The following IRF3 variants were observed in gnomAD, a reference collection of about 807,000 sequenced individuals.
The protein encoded by IRF3 is interferon regulatory factor 3.
In IRF3, 29 loss-of-function variants were observed where a neutral mutation model predicts 43.2. The ratio of observed to expected loss-of-function variants is 0.67; its 90% CI spans 0.50 to 0.91. IRF3 has a LOEUF of 0.91. Ranked by LOEUF, IRF3 falls within the 40% of genes least tolerant of loss-of-function variation. The pLI is 0.00. For missense variants in IRF3, 505 were observed against 559.1 expected (o/e 0.90, Z 0.98); for synonymous variants, 228 against 233.9 (o/e 0.97, Z 0.23).
Position 49,662,549 on chromosome 19 carries a change from G to A in IRF3, c.477C>T (p.Ser159=). The A allele has an allele frequency of 1.3e-6, 2 of 1,532,454 alleles. No homozygotes were observed. Among genetic ancestry groups the A allele is most frequent in the African/African-American group, 1.4e-5 (1 of 71,468 alleles). The allele number at this position is 1,532,454 out of a possible 1,614,324, so 94.9% of individuals were successfully genotyped here. A position where few individuals can be genotyped will look rare whatever the true frequency, so the allele number is the denominator to read the frequency against. ...GGCAGGGCTCAGGGGCTACAGCCAGGCTTGGGGGTCCCGGATCTGGGAGTG... is the reference window on the plus strand; with the variant it reads ...GGCAGGGCTCAGGGGCTACAGCCAGACTTGGGGGTCCCGGATCTGGGAGTG... The part of the protein sequence containing the change: ...LAPLPDPGPP[S]LAVAPEPCPQ... Residue 159 remains serine (S), a synonymous_variant, in exon 5 of 8, where the codon AGC becomes AGT. Coordinates refer to ENST00000377139, the MANE Select transcript of IRF3 (RefSeq NM_001571.6).
At chr19:49,665,241 A>G (rs997698414) in intron 1 of IRF3, 18 of 194,130 alleles carry the variant, frequency 9.3e-5, no homozygotes, top group East Asian at 4.2e-4. Flanking sequence ...ACTTACCCCA[A>G]TGTAGACCCC....
intron 2 of IRF3, 167 bp downstream of exon 2, chr19:49,664,507 C>G (rs770598093): frequency 6.4e-7 from 1 of 1,570,606 alleles, no homozygotes. Flanking sequence ...CACCATCAGT[C>G]AGCGGATCCG....
chr19:49,662,721 G>C, intron 4 of IRF3, 104 bp from the exon 5 acceptor site: 1 of 962,236 alleles, frequency 1.0e-6, no homozygotes, highest in Non-Finnish European at 1.5e-6. Flanking sequence ...TCAGGCTTGA[G>C]CTCTGCCTTC....
Position 49,663,174 on chromosome 19 carries a change from G to A in IRF3, c.408+14C>T, listed in dbSNP as rs1252074261. 13 of 1,609,770 alleles carry A rather than the reference G, an allele frequency of 8.1e-6. No individual in the cohort carries two copies. Among genetic ancestry groups the A allele is most frequent in the Non-Finnish European group, 1.1e-5 (13 of 1,176,122 alleles). On this transcript the variant is annotated intron_variant, in intron 4 of 7. Coordinates refer to ENST00000377139, the MANE Select transcript of IRF3 (RefSeq NM_001571.6). Reference sequence around the variant, plus strand: ...TCGGAGACTGAGGGGCATGAAAGTTGGGCACATTCTCACCTGGGTATCAGA... The same window carrying A: ...TCGGAGACTGAGGGGCATGAAAGTTAGGCACATTCTCACCTGGGTATCAGA...
rs779760743 is a variant in IRF3, at chr19:49,660,813, G to A, written c.998C>T (p.Thr333Met). The change falls in exon 7 of 8, where the codon ACG (threonine) becomes ATG (methionine). Residue 333 changes from threonine to methionine, a missense_variant. Physicochemically the swap from Thr to Met is moderately conservative, Grantham distance 81. Coordinates refer to ENST00000377139, the MANE Select transcript of IRF3 (RefSeq NM_001571.6). ...GPFIVDLITFTEGSGRSPRYA... is the reference protein window; with the variant it reads ...GPFIVDLITFMEGSGRSPRYA... ...GCGTGGTGAGCGTCCGCTTCCTTCC[G>A]TGAAGGTAATCAGATCTGGGGGCCC... 1.7e-5 allele frequency: 27 copies of A among 1,602,586 alleles called. No homozygotes were observed. The highest frequency in any genetic ancestry group is 5.3e-5 in the African/African-American group (4 of 74,830).
In IRF3 at chr19:49,664,749, G is replaced by A. The variant is rs1325444175; in HGVS notation, c.90C>T (p.Ser30=). ...QLEGVAWVNK[S]RTRFRIPWKH... ...TCCAAGGGATGCGGAAGCGCGTGCG[G>A]CTCTTGTTCACCCAGGCCACGCCCT... is the stretch of plus-strand genomic sequence containing the variant. The change falls in exon 2 of 8, where the codon AGC becomes AGT. Residue 30 remains serine, a synonymous_variant. Transcript: ENST00000377139. The A allele has an allele frequency of 1.2e-6, 2 of 1,613,944 alleles. No homozygotes were observed. The highest frequency in any genetic ancestry group is 3.3e-5 in the Admixed American group (2 of 60,010).
chr19:49,659,996 C>CATAT (rs770396432), intron 7 of IRF3, among the ~76,000 whole-genome samples, 163 bp from the exon 8 acceptor site: 27,963 of 120,108 alleles, frequency 0.23, 5,250 homozygotes, highest in African/African-American at 0.46. Context: ...CACACACACA[C>CATAT]ACACACACAC....
At chr19:49,660,027 A>ACACACCCCCCC in intron 7 of IRF3, among the ~76,000 whole-genome samples, 194 bp from the exon 8 acceptor site, 1 of 74,750 alleles carries the variant, frequency 1.3e-5, no homozygotes, top group African/African-American at 9.8e-5. Flanking sequence ...ACACACACAC[A>ACACACCCCCCC]CCCCCTGCTG....
At position 49,662,629 on chromosome 19, in the gene IRF3, C is replaced by A. The variant is rs1568459990; in HGVS notation, c.409-12G>T. ...TCCAGAATGTCTTCCTGGAGGGAAA[C>A]AAAAAAAGAGAATCAGGCATTTCCA... On this transcript the variant is annotated splice_polypyrimidine_tract_variant and intron_variant, in intron 4 of 7. Transcript: ENST00000377139. 5.3e-6 allele frequency: 8 copies of A among 1,523,210 alleles called. No homozygotes were observed. Among genetic ancestry groups the A allele is most frequent in the Admixed American group, 2.4e-5 (1 of 41,890 alleles). The allele number at this position is 1,523,210 out of a possible 1,614,324, so 94.4% of individuals were successfully genotyped here.
Position 49,662,238 on chromosome 19 carries a change from G to A in IRF3, c.692C>T (p.Ser231Phe), listed in dbSNP as rs763276449. ...SCPEGLRLVG[S>F]EVGDRTLPGW... is the part of the protein sequence containing the mutation. The stretch of plus-strand genomic sequence containing the variant: ...AGGCAGCGTCCTGTCTCCCACTTCG[G>A]ACCCCACCAGCCGCAGGCCCTCCGG... Residue 231 changes from serine (S) to phenylalanine (F), a missense_variant, in exon 6 of 8, where the codon TCC (serine) becomes TTC (phenylalanine). Coordinates refer to ENST00000377139, the MANE Select transcript of IRF3 (RefSeq NM_001571.6). 1 of 1,613,910 alleles carries A rather than the reference G, an allele frequency of 6.2e-7. No individual in the cohort carries two copies. Among genetic ancestry groups the A allele is most frequent in the South Asian group, 1.1e-5 (1 of 91,092 alleles).
chr19:49,659,642 G>C lies in IRF3; in HGVS notation c.*6C>G, dbSNP rs201177412. On this transcript the variant is annotated 3_prime_UTR_variant, in exon 8 of 8. Transcript: ENST00000377139. ...GGGTTGGAGGCACACCATGAGGAGC[G>C]AGGGCTCAGCTCTCCCCAGGGCCCT... The C allele has an allele frequency of 6.2e-7, 1 of 1,611,364 alleles. No individual in the cohort carries two copies. The highest frequency in any genetic ancestry group is 1.7e-5 in the Admixed American group (1 of 59,508).
intron 2 of IRF3, chr19:49,663,885 G>A (rs1257803706): frequency 1.5e-5 from 4 of 258,510 alleles, no homozygotes; most frequent in Non-Finnish European, 2.3e-5. Flanking sequence ...TAGTAGAGAT[G>A]GGGTTTCACC....
In IRF3 at chr19:49,663,457, T is replaced by C. The variant is rs145341832; in HGVS notation, c.223A>G (p.Thr75Ala). 4.5e-5 allele frequency: 73 copies of C among 1,614,224 alleles called. No homozygotes were observed. Among genetic ancestry groups the C allele is most frequent in the Middle Eastern group, 1.7e-4 (1 of 6,056 alleles). Residue 75 changes from threonine (T) to alanine (A), a missense_variant, in exon 3 of 8, where the codon ACC (threonine) becomes GCC (alanine). Physicochemically the swap from Thr to Ala is moderately conservative, Grantham distance 58. Transcript: ENST00000377139. ...GCAGAGCGGAAATTCCTCTTCCAGG[T>C]TGGCAGGTCTGGCTTATCCCTCCCG... ...VPGRDKPDLP[T>A]WKRNFRSALN... is the part of the protein sequence containing the mutation.
chr19:49,660,674 C>T (rs556869973), intron 7 of IRF3, 39 bp downstream of exon 7: 1 of 1,518,960 alleles, frequency 6.6e-7, no homozygotes, highest in Admixed American at 2.2e-5. Flanking sequence ...CTCTGTAAGG[C>T]CACCCCTTTC....
At position 49,662,183 on chromosome 19, in the gene IRF3, G is replaced by A; in HGVS notation, c.747C>T (p.Gly249=). Residue 249 remains glycine, a synonymous_variant, in exon 6 of 8, where the codon GGC becomes GGT. Transcript: ENST00000377139. ...PGWPVTLPDP[G]MSLTDRGVMS... ...TCACTCCCCTGTCTGTCAGGGACATGCCAGGGTCTGGCAGTGTGACTGGCC... is the reference window on the plus strand; with the variant it reads ...TCACTCCCCTGTCTGTCAGGGACATACCAGGGTCTGGCAGTGTGACTGGCC... The A allele has an allele frequency of 1.2e-6, 2 of 1,614,108 alleles. No individual in the cohort carries two copies. The highest frequency in any genetic ancestry group is 1.7e-6 in the Non-Finnish European group (2 of 1,180,052).
At chr19:49,660,407 C>T (rs1372765305) in intron 7 of IRF3, among the ~76,000 whole-genome samples, 6 of 152,224 alleles carry the variant, frequency 3.9e-5, no homozygotes, top group East Asian at 1.9e-4. Context: ...GAATCTAATG[C>T]CTGATGATCT....
Position 49,665,544 on chromosome 19 carries a change from C to T in IRF3, c.-9+87G>A, listed in dbSNP as rs368439950. On this transcript the variant is annotated intron_variant, in intron 1 of 7. Coordinates refer to ENST00000377139, the MANE Select transcript of IRF3 (RefSeq NM_001571.6). ...CACTTTCCCCAGAGTACACAGCCTG[C>T]CTTTCCACTCTCCGTGCAGACCCAT... The T allele has an allele frequency of 1.4e-4, 57 of 399,296 alleles. No individual in the cohort carries two copies. In the East Asian group the frequency reaches 2.4e-3, roughly 17 times the overall value. 24.7% of individuals were successfully genotyped at this position (399,296 alleles called of 1,614,324 possible).
At position 49,663,519 on chromosome 19, in the gene IRF3, G is replaced by C. The variant is rs2081452486; in HGVS notation, c.166-5C>G. On this transcript the variant is annotated splice_polypyrimidine_tract_variant and splice_region_variant and intron_variant, in intron 2 of 7. Transcript: ENST00000377139. ...ACCAGTGGCCTCGGCCCAGGCCTGG[G>C]GCAACAGTGGTGTCAGGATGGTGGG... The C allele has an allele frequency of 6.2e-7, 1 of 1,613,538 alleles. No individual in the cohort carries two copies. Among genetic ancestry groups the C allele is most frequent in the African/African-American group, 1.3e-5 (1 of 74,908 alleles).
rs532631386 is a variant in IRF3 at position 49,663,591 on chromosome 19, G to T, written c.166-77C>A. ...TCCTGGGGCCCTAACCCTGTCTCCCGAGTCCTAACACCACCCTCTTTCCCT... is the reference window on the plus strand; with the variant it reads ...TCCTGGGGCCCTAACCCTGTCTCCCTAGTCCTAACACCACCCTCTTTCCCT... On this transcript the variant is annotated intron_variant, in intron 2 of 7. Transcript: ENST00000377139. The T allele has an allele frequency of 2.8e-6, 4 of 1,406,448 alleles. No homozygotes were observed. The African/African-American group carries it at 5.7e-5, about 20-fold the overall frequency. The allele number at this position is 1,406,448 out of a possible 1,614,324, so 87.1% of individuals were successfully genotyped here.
Sources: gnomAD v4.1 joint callset for allele counts (sites outside exome capture counted in the v4.1 genomes callset) on GRCh38, gnomAD v4.1.1 for gene constraint, MANE v1.5 for transcripts, NCBI Gene and HGNC (gene_info 2026-07-23, HGNC 2026-07-21) for gene names.